The following MYO15A variants were observed in gnomAD, a reference collection of about 807,000 sequenced individuals.
MYO15A encodes unconventional myosin-XV.
A neutral mutation model predicts 394.6 loss-of-function variants in MYO15A; 308 were observed. The ratio of observed to expected loss-of-function variants is 0.78; its 90% CI spans 0.71 to 0.86. The LOEUF is 0.86. Among genes scored for constraint, MYO15A ranks in the 40% least tolerant of loss-of-function variants. The pLI is 0.00. For missense variants in MYO15A, 4,606 were observed against 4,799.1 expected, an observed-to-expected ratio of 0.96 and a Z score of 1.19; for synonymous variants, 1,957 against 2,003.8, an observed-to-expected ratio of 0.98 and a Z score of 0.62.
chr17:18,124,539 T>A lies in MYO15A; in HGVS notation c.3666T>A (p.Asp1222Glu), dbSNP rs113608031. 6.2e-7 allele frequency: 1 copy of A among 1,613,188 alleles called. No individual in the cohort carries two copies. The highest frequency in any genetic ancestry group is 2.2e-5 in the East Asian group (1 of 44,870). Reference sequence around the variant, plus strand: ...GGTTCCGTGAGCAGCACGGGGAGGATGGTGTGGAGGACATGACACAGCTGG... The same window carrying A: ...GGTTCCGTGAGCAGCACGGGGAGGAAGGTGTGGAGGACATGACACAGCTGG... Reference protein sequence around the residue: ...SMRFREQHGEDGVEDMTQLED... With the variant: ...SMRFREQHGEEGVEDMTQLED... Residue 1222 changes from aspartate (D) to glutamate (E), a missense_variant, in exon 3 of 66, where the codon GAT becomes GAA. Asp to Glu is a conservative substitution (Grantham distance 45). Coordinates refer to ENST00000647165, the MANE Select transcript of MYO15A (RefSeq NM_016239.4).
intron 57 of MYO15A, 55 bp from the exon 58 acceptor site, chr17:18,162,530 G>C: frequency 6.5e-7 from 1 of 1,529,368 alleles, no homozygotes; most frequent in Non-Finnish European, 9.0e-7. Context: ...AGAGGAGCGA[G>C]CCCCTTTCTC....
chr17:18,171,813 G>C, intron 63 of MYO15A, 42 bp downstream of exon 63: 1 of 1,591,408 alleles, frequency 6.3e-7, no homozygotes, highest in Non-Finnish European at 8.5e-7. Context: ...AGGGGGCTTT[G>C]CTGAGGAGGG....
At position 18,120,681 on chromosome 17, in the gene MYO15A, G is replaced by A. The variant is rs1258286029; in HGVS notation, c.1881G>A (p.Val627=). Residue 627 remains valine, a synonymous_variant, in exon 2 of 66, where the codon GTG becomes GTA. Transcript: ENST00000647165. ...CCGAGAAGCCCGGCACGCCCATCGT[G>A]CTGAGGAGGGCCCAGCCACGCGCTC... ...MDPEKPGTPI[V]LRRAQPRARS... 10 of 1,574,560 alleles carry A rather than the reference G, an allele frequency of 6.4e-6. No homozygotes were observed. Among genetic ancestry groups the A allele is most frequent in the East Asian group, 2.3e-5 (1 of 43,190 alleles).
intron 7 of MYO15A, among the ~76,000 whole-genome samples, chr17:18,128,938 A>G (rs2046102607): frequency 6.6e-6 from 1 of 152,154 alleles, no homozygotes; most frequent in African/African-American, 2.4e-5. Flanking sequence ...TGTGATGACC[A>G]TGGGGCTCCT....
intron 7 of MYO15A, among the ~76,000 whole-genome samples, chr17:18,128,106 C>G (rs2046086416): frequency 6.6e-6 from 1 of 151,852 alleles, no homozygotes; most frequent in African/African-American, 2.4e-5. Flanking sequence ...TCAAAGCCAG[C>G]CAGCAACCTA....
chr17:18,119,040 C>A lies in MYO15A; in HGVS notation c.240C>A (p.Leu80=), dbSNP rs753378643. 2 of 1,612,568 alleles carry A rather than the reference C, an allele frequency of 1.2e-6. No individual in the cohort carries two copies. The highest frequency in any genetic ancestry group is 2.2e-5 in the South Asian group (2 of 91,016). ...TKRKRKARTV[L]KSTSKLMTQM... ...GCAAGAGGAAGGCCCGCACCGTGCT[C>A]AAGTCCACGTCAAAGCTCATGACGC... Residue 80 remains leucine, a synonymous_variant, in exon 2 of 66, where the codon CTC becomes CTA. Transcript: ENST00000647165.
chr17:18,157,808 C>A lies in MYO15A; in HGVS notation c.8875C>A (p.Leu2959Met), dbSNP rs1359137743. 6 of 1,602,126 alleles carry A rather than the reference C, an allele frequency of 3.7e-6. No homozygotes were observed. Among genetic ancestry groups the A allele is most frequent in the Non-Finnish European group, 5.1e-6 (6 of 1,178,964 alleles). Reference protein sequence around the residue: ...QPAAAPDFLQLPTEPGRGRAA... With the variant: ...QPAAAPDFLQMPTEPGRGRAA... Reference sequence around the variant, plus strand: ...CGCTGCTGCCCCCGACTTCCTGCAGCTGCCAACGGAGCCAGGCCGCGGCCG... The same window carrying A: ...CGCTGCTGCCCCCGACTTCCTGCAGATGCCAACGGAGCCAGGCCGCGGCCG... Residue 2959 changes from leucine (L) to methionine (M), a missense_variant, in exon 51 of 66, where the codon CTG becomes ATG. Leu to Met is a conservative substitution (Grantham distance 15). This residue lies in a region of MYO15A where 2,776 missense variants were observed against 3,109.3 expected (regional missense o/e 0.89). Transcript: ENST00000647165.
chr17:18,175,292 C>CTTTTTTTTTT (rs1182500584), intron 65 of MYO15A, among the ~76,000 whole-genome samples: 13 of 91,280 alleles, frequency 1.4e-4, no homozygotes, highest in African/African-American at 2.5e-4. Context: ...TCTAGACTAT[C>CTTTTTTTTTT]TTTTTTTTTT....
chr17:18,135,517 T>C (rs1323594141), intron 12 of MYO15A, among the ~76,000 whole-genome samples, 194 bp from the exon 13 acceptor site: 1 of 152,042 alleles, frequency 6.6e-6, no homozygotes, highest in Non-Finnish European at 1.5e-5. Flanking sequence ...AATTTTGTAT[T>C]TTTAGTAGAG....
intron 51 of MYO15A, chr17:18,158,159 G>A: frequency 1.6e-6 from 1 of 606,332 alleles, no homozygotes; most frequent in Non-Finnish European, 2.9e-6. Context: ...TCAGGACAAT[G>A]GGGTCAGACC....
chr17:18,140,420 C>A, intron 19 of MYO15A, 97 bp from the exon 20 acceptor site: 1 of 1,529,532 alleles, frequency 6.5e-7, no homozygotes, highest in Non-Finnish European at 9.0e-7. Flanking sequence ...GTCTTCAGAT[C>A]CCCCTGGTCC....
chr17:18,152,292 C>T (rs2046599510), intron 42 of MYO15A, 108 bp downstream of exon 42: 1 of 1,079,576 alleles, frequency 9.3e-7, no homozygotes, highest in Admixed American at 2.0e-5. Flanking sequence ...CCCTGAGCCC[C>T]TGTGTACATC....
Position 18,153,919 on chromosome 17 carries a change from G to A in MYO15A, c.8088+23G>A, listed in dbSNP as rs2142376960. The A allele has an allele frequency of 6.2e-7, 1 of 1,613,334 alleles. No individual in the cohort carries two copies. On this transcript the variant is annotated intron_variant, in intron 43 of 65. Transcript: ENST00000647165. The surrounding 1 kb of genome is among the most constrained non-coding windows in gnomAD (Gnocchi z 4.1). ...GAGGTGCCGAGCACAGCCGTAGCCA[G>A]GGGAGGGGCTGAAGCGGGGCAGGGG...
At chr17:18,171,897 C>G (rs2046947155) in intron 63 of MYO15A, 126 bp downstream of exon 63, 1 of 1,433,876 alleles carries the variant, frequency 7.0e-7, no homozygotes, top group African/African-American at 1.4e-5. Flanking sequence ...TCAAGCTGAG[C>G]ACCTGCCTGG....
intron 16 of MYO15A, chr17:18,137,893 G>T (rs1222973757): frequency 2.4e-6 from 2 of 832,758 alleles, no homozygotes; most frequent in Non-Finnish European, 3.8e-6. Context: ...AGTCCCCTTG[G>T]TGGGGGTCCT....
intron 2 of MYO15A, chr17:18,124,046 T>C (rs892287483): frequency 4.6e-5 from 11 of 239,730 alleles, no homozygotes; most frequent in African/African-American, 1.8e-4. Flanking sequence ...AGGATGAGCA[T>C]GGGGTTGTGG....
Position 18,171,593 on chromosome 17 carries a change from C to T in MYO15A, c.10083-45C>T, listed in dbSNP as rs148312311. Reference sequence around the variant, plus strand: ...TGCTGCACAGTGAGGATTGCCTGAGCCTGGGAGCTCACTCAGGACCTTTTT... The same window carrying T: ...TGCTGCACAGTGAGGATTGCCTGAGTCTGGGAGCTCACTCAGGACCTTTTT... On this transcript the variant is annotated intron_variant, in intron 62 of 65. Transcript: ENST00000647165. 207 of 1,613,480 alleles carry T rather than the reference C, an allele frequency of 1.3e-4. 1 individual carries two copies. The East Asian group carries it at 2.9e-3, about 22-fold the overall frequency.
Position 18,161,569 on chromosome 17 carries a change from C to T in MYO15A, c.9517+122C>T. 4 of 1,412,872 alleles carry T rather than the reference C, an allele frequency of 2.8e-6. No individual in the cohort carries two copies. The South Asian group carries it at 4.6e-5, about 16-fold the overall frequency. The allele number at this position is 1,412,872 out of a possible 1,614,324, so 87.5% of individuals were successfully genotyped here. On this transcript the variant is annotated intron_variant, in intron 57 of 65. Coordinates refer to ENST00000647165, the MANE Select transcript of MYO15A (RefSeq NM_016239.4). ...TTCACAGGTGCTGAGCAATGTTTACCAATATTAATATACTCCCCAAACATT... is the reference window on the plus strand; with the variant it reads ...TTCACAGGTGCTGAGCAATGTTTACTAATATTAATATACTCCCCAAACATT...
rs727503313 is a variant in MYO15A at position 18,148,860 on chromosome 17, G to A, written c.6864G>A (p.Ser2288=). Reference sequence around the variant, plus strand: ...ACGACTACGTGTTAGACCTGGTGTCGGACCTGGAGCTGCTCAGGGACTTCC... The same window carrying A: ...ACGACTACGTGTTAGACCTGGTGTCAGACCTGGAGCTGCTCAGGGACTTCC... ...AGHDYVLDLV[S]DLELLRDFPR... Residue 2288 remains serine (S), a synonymous_variant, in exon 33 of 66, where the codon TCG becomes TCA. Transcript: ENST00000647165. This position sits in a 1 kb window ranked among gnomAD's most constrained non-coding sequence, Gnocchi z 4.8. 93 of 1,607,342 alleles carry A rather than the reference G, an allele frequency of 5.8e-5. No homozygotes were observed. Among genetic ancestry groups the A allele is most frequent in the Admixed American group, 6.8e-5 (4 of 59,236 alleles).
Sources: allele counts gnomAD v4.1 joint callset (sites outside exome capture counted in the v4.1 genomes callset), GRCh38; gene constraint gnomAD v4.1.1; regional missense constraint gnomAD v4.1.1; non-coding constraint Gnocchi (gnomAD v3.1); transcripts MANE v1.5; gene names NCBI Gene and HGNC (gene_info 2026-07-23, HGNC 2026-07-21).